Variants in SPATA17 observed in about 807,000 individuals in gnomAD.
The protein encoded by SPATA17 is spermatogenesis-associated protein 17.
Under a neutral mutation model 62.2 loss-of-function variants are expected in SPATA17, and 53 were observed. That is an observed-to-expected ratio of 0.85 (90% confidence interval 0.68 to 1.07). The LOEUF is 1.07. Among genes scored for constraint, SPATA17 ranks in the 50% least tolerant of loss-of-function variants. The pLI is 0.00. For missense variants in SPATA17, 466 were observed against 425.5 expected (o/e 1.10, Z -0.84); for synonymous variants, 146 against 146.8 (o/e 0.99, Z 0.04).
chr1:217,853,941 G>T (rs1675719356), intron 9 of SPATA17, among the ~76,000 whole-genome samples: 1 of 152,122 alleles, frequency 6.6e-6, no homozygotes, highest in African/African-American at 2.4e-5. Context: ...TAAATTTAAA[G>T]GAGTTTAATT....
chr1:217,633,701 T>C (rs1433957071), intron 1 of SPATA17, among the ~76,000 whole-genome samples: 1 of 152,214 alleles, frequency 6.6e-6, no homozygotes, highest in African/African-American at 2.4e-5. Flanking sequence ...CGTTAACATG[T>C]AGGGAACAGA....
At chr1:217,657,886 T>A (rs529515410) in intron 3 of SPATA17, among the ~76,000 whole-genome samples, 2 of 152,260 alleles carry the variant, frequency 1.3e-5, no homozygotes, top group Admixed American at 1.3e-4. Flanking sequence ...TCCACATGGT[T>A]GGAGAGGCCT....
intron 6 of SPATA17, among the ~76,000 whole-genome samples, chr1:217,767,871 C>A (rs1673339999): frequency 6.6e-6 from 1 of 152,154 alleles, no homozygotes; most frequent in South Asian, 2.1e-4. Context: ...TCTTTAACTG[C>A]CTGTGTTTCC....
At chr1:217,647,440 C>G (rs988352055) in intron 1 of SPATA17, among the ~76,000 whole-genome samples, 1 of 152,120 alleles carries the variant, frequency 6.6e-6, no homozygotes, top group Non-Finnish European at 1.5e-5. Context: ...GGAGTAATAC[C>G]AATGATCTCT....
At chr1:217,838,700 T>G (rs1675317987) in intron 9 of SPATA17, among the ~76,000 whole-genome samples, 1 of 152,050 alleles carries the variant, frequency 6.6e-6, no homozygotes, top group African/African-American at 2.4e-5. Context: ...CTCCCATCCC[T>G]TTTGATTAGA....
chr1:217,686,190 T>G (rs1158766102), intron 5 of SPATA17, among the ~76,000 whole-genome samples: 1 of 152,128 alleles, frequency 6.6e-6, no homozygotes, highest in Non-Finnish European at 1.5e-5. Flanking sequence ...ATTAAGTAGA[T>G]TTTTTGATAT....
chr1:217,729,600 A>G (rs2102940270), intron 5 of SPATA17, among the ~76,000 whole-genome samples: 1 of 152,268 alleles, frequency 6.6e-6, no homozygotes, highest in South Asian at 2.1e-4. Context: ...CTGTAGAATC[A>G]TTTTATATAT....
At chr1:217,779,839 A>G (rs1385397756) in intron 7 of SPATA17, among the ~76,000 whole-genome samples, 1 of 152,120 alleles carries the variant, frequency 6.6e-6, no homozygotes, top group African/African-American at 2.4e-5. Flanking sequence ...GGACAATTTT[A>G]TGGTTTTAAT....
At chr1:217,842,238 A>G (rs1675424881) in intron 9 of SPATA17, among the ~76,000 whole-genome samples, 1 of 151,870 alleles carries the variant, frequency 6.6e-6, no homozygotes, top group African/African-American at 2.4e-5. Flanking sequence ...TTTTATATCT[A>G]TGTTTGTAAG....
chr1:217,712,377 T>C (rs1671894651), intron 5 of SPATA17, among the ~76,000 whole-genome samples: 1 of 152,088 alleles, frequency 6.6e-6, no homozygotes, highest in Non-Finnish European at 1.5e-5. Flanking sequence ...CCACCCACCT[T>C]GGCCTCCCAA....
At chr1:217,793,225 T>TGTTG (rs1558053370) in intron 8 of SPATA17, among the ~76,000 whole-genome samples, 4 of 140,516 alleles carry the variant, frequency 2.8e-5, no homozygotes, top group Non-Finnish European at 3.2e-5. Flanking sequence ...GTTTTTGTTT[T>TGTTG]TTTTTTTTTT....
chr1:217,843,067 G>A (rs1472373057), intron 9 of SPATA17, among the ~76,000 whole-genome samples: 1 of 151,730 alleles, frequency 6.6e-6, no homozygotes. Flanking sequence ...TGTCCTCCAT[G>A]TTAAAACAAC....
At chr1:217,704,997 C>G (rs151184668) in intron 5 of SPATA17, among the ~76,000 whole-genome samples, 1 of 152,182 alleles carries the variant, frequency 6.6e-6, no homozygotes, top group Non-Finnish European at 1.5e-5. Context: ...TCCAAAAAGG[C>G]TCAACTAATT....
Position 217,652,526 on chromosome 1 carries a change from G to T in SPATA17, c.240+1348G>T, listed in dbSNP as rs148853823. ...TGGGATTACAGGTGTGAGCCACCAC[G>T]CCCGGCCAAACTTTTTTTTTTCCCT... On this transcript the variant is annotated intron_variant, in intron 3 of 10. Coordinates refer to ENST00000366933, the MANE Select transcript of SPATA17 (RefSeq NM_138796.4). 7.1e-3 allele frequency among the ~76,000 whole-genome samples: 1,078 copies of T among 152,034 alleles called. 11 individuals are homozygous for T. The highest frequency in any genetic ancestry group is 0.025 in the African/African-American group (1,025 of 41,442).
intron 9 of SPATA17, among the ~76,000 whole-genome samples, chr1:217,802,981 T>G (rs1391058923): frequency 6.6e-6 from 1 of 152,128 alleles, no homozygotes; most frequent in Non-Finnish European, 1.5e-5. Context: ...GGCGCAATCT[T>G]GGCTCACTGC....
chr1:217,866,214 G>A (rs1446616813), intron 10 of SPATA17, among the ~76,000 whole-genome samples: 2 of 152,160 alleles, frequency 1.3e-5, no homozygotes, highest in African/African-American at 4.8e-5. Context: ...TTGGCATCAT[G>A]TGAACTTATA....
At chr1:217,833,869 C>T (rs1259014294) in intron 9 of SPATA17, among the ~76,000 whole-genome samples, 6 of 152,110 alleles carry the variant, frequency 3.9e-5, no homozygotes. Context: ...TTTTGTACAA[C>T]AATGCATTTA....
At chr1:217,773,308 A>C (rs17726283) in intron 6 of SPATA17, among the ~76,000 whole-genome samples, 78 of 152,268 alleles carry the variant, frequency 5.1e-4, no homozygotes, top group African/African-American at 1.7e-3. Flanking sequence ...GGATACATTT[A>C]ATATATAGTC....
At chr1:217,824,384 G>A (rs946253978) in intron 9 of SPATA17, among the ~76,000 whole-genome samples, 4 of 151,464 alleles carry the variant, frequency 2.6e-5, no homozygotes, top group Non-Finnish European at 4.4e-5. Context: ...AGTCAAGTAG[G>A]TATAGAATAC....
Sources: allele counts gnomAD v4.1 joint callset (sites outside exome capture counted in the v4.1 genomes callset), GRCh38; gene constraint gnomAD v4.1.1; transcripts MANE v1.5; gene names NCBI Gene and HGNC (gene_info 2026-07-23, HGNC 2026-07-21).